KIF26B: variants seen among roughly 807,000 people sequenced by gnomAD.
The protein encoded by KIF26B is kinesin-like protein KIF26B.
In KIF26B, 63 loss-of-function variants were observed where a neutral mutation model predicts 151.2. That is an observed-to-expected ratio of 0.42 (90% CI 0.34 to 0.51). The LOEUF (loss-of-function observed/expected upper bound fraction) is 0.51. KIF26B is among the 20% of genes least tolerant of loss of function. The pLI is 0.07. For synonymous variants in KIF26B, 1,357 were observed against 1,262.1 expected, an observed-to-expected ratio of 1.08 and a Z score of -1.59; for missense variants, 2,813 against 2,913.6, an observed-to-expected ratio of 0.97 and a Z score of 0.79.
chr1:245,490,172 G>C lies in KIF26B; in HGVS notation c.1167-50595G>C, dbSNP rs996930123. Among the ~76,000 whole-genome samples, 31 of 152,104 alleles carry C rather than the reference G, an allele frequency of 2.0e-4. 1 individual carries two copies. Among genetic ancestry groups the C allele is most frequent in the African/African-American group, 7.5e-4 (31 of 41,420 alleles). ...CAGGAAATAGTGTTGGGAGTGATTT[G>C]TGATGTCTGAGATAGGTAGATCCAG... is the stretch of plus-strand genomic sequence containing the variant. On this transcript the variant is annotated intron_variant, in intron 4 of 14. Coordinates refer to ENST00000407071, the MANE Select transcript of KIF26B (RefSeq NM_018012.4).
chr1:245,349,930 AC>A (rs1163983388), intron 2 of KIF26B, among the ~76,000 whole-genome samples: 1 of 152,176 alleles, frequency 6.6e-6, no homozygotes, highest in African/African-American at 2.4e-5. Context: ...TGCACCTAAA[AC>A]CCATTTACAA....
rs73125040 is a variant in KIF26B, at chr1:245,173,609, C to G, written c.465+16926C>G. On this transcript the variant is annotated intron_variant, in intron 2 of 14. Transcript: ENST00000407071. ...AGGTTAGATGCCTGGAGACGCGGGCCGGGGAGGCTGTGGTCCTGCACTCAC... is the reference window on the plus strand; with the variant it reads ...AGGTTAGATGCCTGGAGACGCGGGCGGGGGAGGCTGTGGTCCTGCACTCAC... 2.0e-5 allele frequency among the ~76,000 whole-genome samples: 3 copies of G among 152,224 alleles called. No homozygotes were observed. The South Asian group carries it at 6.2e-4, about 32-fold the overall frequency.
intron 10 of KIF26B, among the ~76,000 whole-genome samples, chr1:245,671,474 G>A (rs1207479212): frequency 3.3e-5 from 5 of 152,188 alleles, no homozygotes; most frequent in Non-Finnish European, 5.9e-5. Context: ...ACCGGGGGCC[G>A]GGGGAGTAGG....
chr1:245,206,654 C>G (rs1669411972), intron 2 of KIF26B: 1 of 152,134 alleles, frequency 6.6e-6, no homozygotes, highest in Non-Finnish European at 1.5e-5. Context: ...TGGTCTCCAA[C>G]CCTGGATCTT....
intron 4 of KIF26B, among the ~76,000 whole-genome samples, chr1:245,439,288 A>AGT (rs977910486): frequency 6.7e-6 from 1 of 149,910 alleles, no homozygotes; most frequent in African/African-American, 2.5e-5. Context: ...TTAAGGCTAC[A>AGT]GTGAGCCATG....
rs543632831 is a variant in KIF26B, at chr1:245,231,692, T to G, written c.465+75009T>G. On this transcript the variant is annotated intron_variant, in intron 2 of 14. Transcript: ENST00000407071. ...TGAGGGAGAAGGAGGAGGAGGAGGATAAGGAGGAAGAGGAGGAAGAAAACA... is the reference window on the plus strand; with the variant it reads ...TGAGGGAGAAGGAGGAGGAGGAGGAGAAGGAGGAAGAGGAGGAAGAAAACA... Among the ~76,000 whole-genome samples, 113 of 151,712 alleles carry G rather than the reference T, an allele frequency of 7.4e-4. 1 individual carries two copies. Among genetic ancestry groups the G allele is most frequent in the African/African-American group, 2.6e-3 (108 of 41,344 alleles).
At chr1:245,523,188 A>C (rs1273768656) in intron 4 of KIF26B, among the ~76,000 whole-genome samples, 1 of 152,188 alleles carries the variant, frequency 6.6e-6, no homozygotes, top group Non-Finnish European at 1.5e-5. Context: ...TGTACGCTTG[A>C]CTATTTCTCT....
chr1:245,252,837 C>T (rs1670468315), intron 2 of KIF26B, among the ~76,000 whole-genome samples: 4 of 152,074 alleles, frequency 2.6e-5, no homozygotes, highest in Admixed American at 2.6e-4. Flanking sequence ...GGGACTGCTT[C>T]TATCACTTAG....
At chr1:245,310,123 A>C (rs1378092199) in intron 2 of KIF26B, among the ~76,000 whole-genome samples, 1 of 148,902 alleles carries the variant, frequency 6.7e-6, no homozygotes, top group Non-Finnish European at 1.5e-5. Flanking sequence ...CTATATATAA[A>C]TATCTCTCAC....
intron 4 of KIF26B, among the ~76,000 whole-genome samples, chr1:245,453,021 A>G (rs1659433960): frequency 6.6e-6 from 1 of 152,080 alleles, no homozygotes. Context: ...AGTTGCAAAG[A>G]TTTACCTGTA....
chr1:245,679,769 T>C (rs1043952811), intron 10 of KIF26B, among the ~76,000 whole-genome samples: 1 of 152,002 alleles, frequency 6.6e-6, no homozygotes, highest in Non-Finnish European at 1.5e-5. Context: ...GTGCCCAGCA[T>C]AAATTTATTT....
In KIF26B at chr1:245,488,541, C is replaced by A. The variant is rs1363830928; in HGVS notation, c.1167-52226C>A. On this transcript the variant is annotated intron_variant, in intron 4 of 14. Transcript: ENST00000407071. This position sits in a 1 kb window ranked among gnomAD's most constrained non-coding sequence, Gnocchi z 4.6. ...AAACAGCCCCCGGGGAATGAACTACCCCCTCTGCCTCGGGGACAGGCACCT... is the reference window on the plus strand; with the variant it reads ...AAACAGCCCCCGGGGAATGAACTACACCCTCTGCCTCGGGGACAGGCACCT... Among the ~76,000 whole-genome samples the A allele has an allele frequency of 6.6e-6, 1 of 151,822 alleles. No individual in the cohort carries two copies. Among genetic ancestry groups the A allele is most frequent in the Admixed American group, 6.6e-5 (1 of 15,254 alleles).
intron 4 of KIF26B, among the ~76,000 whole-genome samples, chr1:245,459,302 C>T (rs949573819): frequency 6.6e-6 from 1 of 152,162 alleles, no homozygotes; most frequent in Non-Finnish European, 1.5e-5. Context: ...AGTCTAATCA[C>T]TACTGTTTCT....
At chr1:245,611,082 C>T (rs1482770078) in intron 8 of KIF26B, among the ~76,000 whole-genome samples, 2 of 152,162 alleles carry the variant, frequency 1.3e-5, no homozygotes, top group South Asian at 2.1e-4. Flanking sequence ...AAGATTCAGA[C>T]GCATTACCCT....
intron 4 of KIF26B, among the ~76,000 whole-genome samples, chr1:245,492,744 G>C (rs139071163): frequency 1.3e-5 from 2 of 152,262 alleles, no homozygotes; most frequent in Non-Finnish European, 2.9e-5. Flanking sequence ...ACAAAACCTT[G>C]TTTCCAGGTC....
chr1:245,645,945 C>T, intron 9 of KIF26B, 176 bp from the exon 10 acceptor site: 1 of 611,322 alleles, frequency 1.6e-6, no homozygotes, highest in Non-Finnish European at 2.8e-6. Context: ...TTTAAGAGGA[C>T]CAATGCTATT....
rs1288498821 is a variant in KIF26B at position 245,375,772 on chromosome 1, C to A, written c.999+8405C>A. ...TTGGTAAGGAGAAGCGGGATGGGGT[C>A]TACAGACCAAGGAGTCCCTGCAGAA... On this transcript the variant is annotated intron_variant, in intron 3 of 14. Transcript: ENST00000407071. The surrounding 1 kb of genome is among the most constrained non-coding windows in gnomAD (Gnocchi z 4.2). Among the ~76,000 whole-genome samples, 1 of 152,126 alleles carries A rather than the reference C, an allele frequency of 6.6e-6. No individual in the cohort carries two copies. The highest frequency in any genetic ancestry group is 1.5e-5 in the Non-Finnish European group (1 of 68,024).
intron 5 of KIF26B, among the ~76,000 whole-genome samples, chr1:245,575,172 T>A (rs972990757): frequency 1.3e-5 from 2 of 151,414 alleles, no homozygotes; most frequent in African/African-American, 4.8e-5. Flanking sequence ...GCCTTTTATA[T>A]CTTTTTCAAA....
At chr1:245,573,513 A>C (rs984142602) in intron 5 of KIF26B, among the ~76,000 whole-genome samples, 1 of 152,138 alleles carries the variant, frequency 6.6e-6, no homozygotes, top group African/African-American at 2.4e-5. Flanking sequence ...ACAGAGCTAG[A>C]CTTTGTCTCA....
Sources: gnomAD v4.1 joint callset for allele counts (sites outside exome capture counted in the v4.1 genomes callset) on GRCh38, gnomAD v4.1.1 for gene constraint, Gnocchi (gnomAD v3.1) non-coding constraint, MANE v1.5 for transcripts, NCBI Gene and HGNC (gene_info 2026-07-23, HGNC 2026-07-21) for gene names.